KDM4C: variants seen among roughly 807,000 people sequenced by gnomAD.
The protein encoded by KDM4C is lysine-specific demethylase 4C.
In KDM4C, 81 loss-of-function variants were observed where a neutral mutation model predicts 129.3. That is an observed-to-expected ratio of 0.63 (90% CI 0.52 to 0.75). The LOEUF is 0.75. KDM4C is among the 30% of genes least tolerant of loss of function. The pLI is 0.00. For synonymous variants in KDM4C, 573 were observed against 456.1 expected, an observed-to-expected ratio of 1.26 and a Z score of -3.26; for missense variants, 1,457 against 1,304.0, an observed-to-expected ratio of 1.12 and a Z score of -1.81.
intron 6 of KDM4C, among the ~76,000 whole-genome samples, chr9:6,880,794 C>T (rs1187322516): frequency 2.0e-5 from 3 of 152,066 alleles, no homozygotes; most frequent in African/African-American, 7.2e-5. Context: ...CTCCTTCCTC[C>T]TTTTTTTTAA....
At chr9:6,766,313 T>C (rs1450281974) in intron 1 of KDM4C, among the ~76,000 whole-genome samples, 1 of 152,180 alleles carries the variant, frequency 6.6e-6, no homozygotes, top group Non-Finnish European at 1.5e-5. Flanking sequence ...GATTTTGGAG[T>C]ATTTCAGATT....
intron 19 of KDM4C, among the ~76,000 whole-genome samples, chr9:7,157,347 C>T (rs1843294943): frequency 6.6e-6 from 1 of 152,180 alleles, no homozygotes; most frequent in Admixed American, 6.5e-5. Flanking sequence ...CCCATTATTT[C>T]TTTCTCTTGC....
At chr9:6,928,578 A>AT (rs1042682691) in intron 8 of KDM4C, among the ~76,000 whole-genome samples, 11 of 150,868 alleles carry the variant, frequency 7.3e-5, no homozygotes, top group Non-Finnish European at 1.5e-4. Flanking sequence ...ATCCTGGACT[A>AT]TAGTATATCA....
chr9:6,901,942 C>A lies in KDM4C; in HGVS notation c.921+8710C>A, dbSNP rs2130983811. On this transcript the variant is annotated intron_variant, in intron 8 of 21. Transcript: ENST00000381309. ...TATAAGTATGGACCCCTGGCCCCAC[C>A]AAAATCAGTAGGATTAGAATATCTG... Among the ~76,000 whole-genome samples, 2 of 152,272 alleles carry A rather than the reference C, an allele frequency of 1.3e-5. 1 individual carries two copies. Among genetic ancestry groups the A allele is most frequent in the South Asian group, 4.2e-4 (2 of 4,818 alleles).
At chr9:6,841,781 G>A (rs1836970601) in intron 4 of KDM4C, among the ~76,000 whole-genome samples, 1 of 152,212 alleles carries the variant, frequency 6.6e-6, no homozygotes, top group South Asian at 2.1e-4. Context: ...CGTCTTTGGT[G>A]CAGTTCACAG....
chr9:6,935,673 A>G (rs1824651126), intron 8 of KDM4C, among the ~76,000 whole-genome samples: 2 of 152,082 alleles, frequency 1.3e-5, no homozygotes, highest in South Asian at 2.1e-4. Context: ...TCTTTTCTTA[A>G]CAGAATCATC....
chr9:6,794,706 A>G (rs1827388289), intron 2 of KDM4C, among the ~76,000 whole-genome samples: 1 of 152,130 alleles, frequency 6.6e-6, no homozygotes. Flanking sequence ...TGAAAATATC[A>G]TCTTATCTTA....
At chr9:7,024,502 G>T (rs2381534) in intron 15 of KDM4C, among the ~76,000 whole-genome samples, 11,731 of 144,412 alleles carry the variant, frequency 0.081, 805 homozygotes, top group African/African-American at 0.19. Context: ...CCCCACAACA[G>T]TCCCTGGAGT....
chr9:7,119,071 T>A (rs780825317), intron 18 of KDM4C, among the ~76,000 whole-genome samples: 3 of 152,230 alleles, frequency 2.0e-5, no homozygotes, highest in Non-Finnish European at 4.4e-5. Flanking sequence ...GCAGTGCATA[T>A]GTCCACTTGA....
rs571722044 is a variant in KDM4C, at chr9:6,937,743, G to T, written c.922-43182G>T. Among the ~76,000 whole-genome samples the T allele has an allele frequency of 1.4e-4, 21 of 152,092 alleles. No homozygotes were observed. In the East Asian group the frequency reaches 3.1e-3, roughly 22 times the overall value. ...ATTTAATTTTTTCAGACAGAGTCTT[G>T]CTCTGTCGCCGAGGCTGGAGTGCAG... On this transcript the variant is annotated intron_variant, in intron 8 of 21. Coordinates refer to ENST00000381309, the MANE Select transcript of KDM4C (RefSeq NM_015061.6).
In KDM4C at chr9:6,952,480, G is replaced by A. The variant is rs1023699103; in HGVS notation, c.922-28445G>A. Among the ~76,000 whole-genome samples, 3 of 151,086 alleles carry A rather than the reference G, an allele frequency of 2.0e-5. No homozygotes were observed. The East Asian group carries it at 5.8e-4, about 29-fold the overall frequency. On this transcript the variant is annotated intron_variant, in intron 8 of 21. Coordinates refer to ENST00000381309, the MANE Select transcript of KDM4C (RefSeq NM_015061.6). ...TTTTGAGATGGAGTCTCACTTTGTT[G>A]CCCAGGCTGGAGTGCAGTGGCACGA...
At chr9:6,728,016 C>A (rs2918174) in intron 1 of KDM4C, among the ~76,000 whole-genome samples, 81,601 of 140,916 alleles carry the variant, frequency 0.58, 23,201 homozygotes, top group African/African-American at 0.65. Flanking sequence ...TGTGTTAAAC[C>A]ACTACAGAAT....
At chr9:7,060,304 A>G (rs1386404213) in intron 17 of KDM4C, among the ~76,000 whole-genome samples, 3 of 151,296 alleles carry the variant, frequency 2.0e-5, no homozygotes, top group Non-Finnish European at 2.9e-5. Flanking sequence ...ACCTTGTTAC[A>G]TATTTGAGTT....
At chr9:7,000,972 G>A (rs920204632) in intron 12 of KDM4C, among the ~76,000 whole-genome samples, 4 of 152,128 alleles carry the variant, frequency 2.6e-5, no homozygotes, top group African/African-American at 9.7e-5. Context: ...ACTTAGTCCT[G>A]GCTGGCAACA....
chr9:6,859,799 A>G (rs1840596262), intron 5 of KDM4C, among the ~76,000 whole-genome samples: 2 of 149,320 alleles, frequency 1.3e-5, no homozygotes, highest in Admixed American at 6.8e-5. Context: ...TGAGATGCGG[A>G]GCTTGTAGCA....
In KDM4C at chr9:6,981,017, G is replaced by A; in HGVS notation, c.1014G>A (p.Lys338=). Reference sequence around the variant, plus strand: ...GATATCAGCTTTGGAAACAAGGAAAGGATATATACACCATTGATCACACGA... The same window carrying A: ...GATATCAGCTTTGGAAACAAGGAAAAGATATATACACCATTGATCACACGA... ...PDRYQLWKQG[K]DIYTIDHTKP... Residue 338 remains lysine (K), a synonymous_variant, in exon 9 of 22, where the codon AAG becomes AAA. Coordinates refer to ENST00000381309, the MANE Select transcript of KDM4C (RefSeq NM_015061.6). The A allele has an allele frequency of 6.2e-7, 1 of 1,613,890 alleles. No individual in the cohort carries two copies. Among genetic ancestry groups the A allele is most frequent in the Non-Finnish European group, 8.5e-7 (1 of 1,179,848 alleles).
At chr9:7,150,128 G>A (rs1842595793) in intron 19 of KDM4C, among the ~76,000 whole-genome samples, 1 of 152,214 alleles carries the variant, frequency 6.6e-6, no homozygotes, top group African/African-American at 2.4e-5. Flanking sequence ...AGCTATGCGA[G>A]CCCAAACGAA....
intron 4 of KDM4C, among the ~76,000 whole-genome samples, chr9:6,846,023 C>G (rs1837795194): frequency 6.6e-6 from 1 of 152,220 alleles, no homozygotes; most frequent in Non-Finnish European, 1.5e-5. Context: ...CACCTGCTCT[C>G]AAGTGAAGCA....
At chr9:6,824,485 C>T (rs929839916) in intron 4 of KDM4C, among the ~76,000 whole-genome samples, 2 of 152,096 alleles carry the variant, frequency 1.3e-5, no homozygotes, top group Non-Finnish European at 2.9e-5. Context: ...TACTCCAAGA[C>T]AGTAGTTCTC....
Sources: allele counts gnomAD v4.1 joint callset (sites outside exome capture counted in the v4.1 genomes callset), GRCh38; gene constraint gnomAD v4.1.1; transcripts MANE v1.5; gene names NCBI Gene and HGNC (gene_info 2026-07-23, HGNC 2026-07-21).